Variants in BFSP1 observed in about 807,000 individuals in gnomAD.
The protein encoded by BFSP1 is beaded filament structural protein 1.
BFSP1 carries 38 observed loss-of-function variants against 43.9 expected under a neutral mutation model. That is an observed-to-expected ratio of 0.87 (90% CI 0.67 to 1.14). BFSP1 has a LOEUF of 1.14. Ranked by LOEUF, BFSP1 falls within the 50% of genes most tolerant of loss-of-function variation. The pLI, the probability that BFSP1 is intolerant of heterozygous loss-of-function variation, is 0.00. For missense variants in BFSP1, 850 were observed against 875.1 expected, an observed-to-expected ratio of 0.97 and a Z score of 0.36; for synonymous variants, 352 against 354.8, an observed-to-expected ratio of 0.99 and a Z score of 0.09.
At chr20:17,529,359 A>C (rs914259840) in intron 1 of BFSP1, among the ~76,000 whole-genome samples, 1 of 152,176 alleles carries the variant, frequency 6.6e-6, no homozygotes, top group Non-Finnish European at 1.5e-5. Flanking sequence ...TACAGGCGTG[A>C]GCCACTGCAC....
At position 17,517,102 on chromosome 20, in the gene BFSP1, C is replaced by T. The variant is rs151043417; in HGVS notation, c.439-2286G>A. 4.6e-3 allele frequency: 3,750 copies of T among 817,350 alleles called. 19 individuals are homozygous for T. The highest frequency in any genetic ancestry group is 0.013 in the Middle Eastern group (37 of 2,948). 50.6% of individuals were successfully genotyped at this position (817,350 alleles called of 1,614,324 possible). A position where few individuals can be genotyped will look rare whatever the true frequency, so the allele number is the denominator to read the frequency against. On this transcript the variant is annotated intron_variant, in intron 2 of 7. Coordinates refer to ENST00000377873, the MANE Select transcript of BFSP1 (RefSeq NM_001195.5). ...AAAAGGAAGAAGTCTTACACCACTC[C>T]CAAGAAGAATAAGCACAAGAGGAAG...
intron 5 of BFSP1, among the ~76,000 whole-genome samples, chr20:17,505,361 C>T (rs201938): frequency 0.99 from 150,903 of 152,326 alleles, 74,747 homozygotes; most frequent in East Asian, 1. Flanking sequence ...GCCTGTGAAT[C>T]TGCATTTCTG....
intron 3 of BFSP1, among the ~76,000 whole-genome samples, chr20:17,513,041 T>C (rs2034123215): frequency 6.6e-6 from 1 of 152,120 alleles, no homozygotes; most frequent in South Asian, 2.1e-4. Flanking sequence ...AGGCCCTGCC[T>C]CATCCCCAAC....
chr20:17,516,296 C>T (rs1231748913), intron 2 of BFSP1, among the ~76,000 whole-genome samples: 1 of 152,092 alleles, frequency 6.6e-6, no homozygotes, highest in African/African-American at 2.4e-5. Flanking sequence ...CATTGCACTC[C>T]AGTCTGGGCA....
Position 17,494,711 on chromosome 20 carries a change from C to T in BFSP1, c.1361G>A (p.Ser454Asn). The T allele has an allele frequency of 6.2e-7, 1 of 1,613,686 alleles. No homozygotes were observed. Among genetic ancestry groups the T allele is most frequent in the South Asian group, 1.1e-5 (1 of 91,050 alleles). The change falls in exon 8 of 8, where the codon AGC becomes AAC. Residue 454 changes from serine (S) to asparagine (N), a missense_variant. Transcript: ENST00000377873. The stretch of plus-strand genomic sequence containing the variant: ...AGTGGGGGTCTCAGGCTCTTTGGGG[C>T]TTCTCACTTTCTCCTTGACCTTCCT... ...LYRKVKEKVR[S>N]PKEPETPTEL...
intron 2 of BFSP1, among the ~76,000 whole-genome samples, chr20:17,515,401 G>A (rs2034176973): frequency 6.6e-6 from 1 of 152,184 alleles, no homozygotes; most frequent in South Asian, 2.1e-4. Context: ...CTGTATTCTA[G>A]CAGTTTTCTC....
At chr20:17,497,179 A>T in intron 6 of BFSP1, among the ~76,000 whole-genome samples, 156 bp from the exon 7 acceptor site, 1 of 152,322 alleles carries the variant, frequency 6.6e-6, no homozygotes, top group Non-Finnish European at 1.5e-5. Flanking sequence ...ACACATTTAC[A>T]TACTGGATGA....
intron 3 of BFSP1, 57 bp from the exon 4 acceptor site, chr20:17,512,125 C>A: frequency 2.1e-6 from 3 of 1,435,508 alleles, no homozygotes; most frequent in Non-Finnish European, 2.0e-6. Context: ...GTTTTTCCTT[C>A]TAGTACTAGA....
At chr20:17,518,056 C>T (rs994726615) in intron 2 of BFSP1, among the ~76,000 whole-genome samples, 3 of 152,228 alleles carry the variant, frequency 2.0e-5, no homozygotes, top group African/African-American at 7.2e-5. Flanking sequence ...CTCCTGATTC[C>T]TGGCCCTGGC....
At chr20:17,560,842 C>T (rs753969955), upstream of BFSP1, 2 of 152,240 alleles carry the variant, frequency 1.3e-5, no homozygotes, top group South Asian at 4.1e-4. Context: ...GAGCTTGCCA[C>T]AACCAGCCCA....
intron 1 of BFSP1, among the ~76,000 whole-genome samples, chr20:17,546,059 T>C (rs2034795984): frequency 6.6e-6 from 1 of 152,218 alleles, no homozygotes; most frequent in African/African-American, 2.4e-5. Context: ...TCCTGGGGTC[T>C]GGATCAAGAC....
chr20:17,520,425 C>A (rs942290018), intron 2 of BFSP1, among the ~76,000 whole-genome samples: 2 of 152,068 alleles, frequency 1.3e-5, no homozygotes, highest in Non-Finnish European at 2.9e-5. Context: ...CACAGGGATC[C>A]CAGAAACTCC....
At chr20:17,569,091 C>A (rs1239636071) in intron 1 of BFSP1, 1 of 152,240 alleles carries the variant, frequency 6.6e-6, no homozygotes, top group African/African-American at 2.4e-5. Flanking sequence ...GCGGCCTTTC[C>A]CAGCCACACC....
chr20:17,534,295 G>A (rs2034594199), upstream of BFSP1, among the ~76,000 whole-genome samples: 1 of 152,198 alleles, frequency 6.6e-6, no homozygotes, highest in African/African-American at 2.4e-5. Flanking sequence ...GGATGTTTTA[G>A]AATAAGAAAG....
intron 5 of BFSP1, among the ~76,000 whole-genome samples, chr20:17,503,129 TC>T (rs1295307697): frequency 6.6e-6 from 1 of 152,134 alleles, no homozygotes; most frequent in African/African-American, 2.4e-5. Flanking sequence ...GCTCAAGTGG[TC>T]CCCACACCTT....
chr20:17,565,428 G>A (rs1210387882), intron 1 of BFSP1: 1 of 152,180 alleles, frequency 6.6e-6, no homozygotes, highest in African/African-American at 2.4e-5. Context: ...GTTTGTGAAA[G>A]CAAAGGATTG....
At chr20:17,552,106 G>A (rs6105776) in intron 1 of BFSP1, among the ~76,000 whole-genome samples, 12,384 of 152,196 alleles carry the variant, frequency 0.081, 896 homozygotes, top group African/African-American at 0.2. Flanking sequence ...TATAATAAGT[G>A]GTGATAAGTG....
In BFSP1 at chr20:17,494,022, A is replaced by G. The variant is rs1600623755; in HGVS notation, c.*52T>C. 1 of 1,464,176 alleles carries G rather than the reference A, an allele frequency of 6.8e-7. No homozygotes were observed. Among genetic ancestry groups the G allele is most frequent in the East Asian group, 2.3e-5 (1 of 43,962 alleles). 90.7% of individuals were successfully genotyped at this position (1,464,176 alleles called of 1,614,324 possible). A position where few individuals can be genotyped will look rare whatever the true frequency, so the allele number is the denominator to read the frequency against. On this transcript the variant is annotated 3_prime_UTR_variant, in exon 8 of 8. Coordinates refer to ENST00000377873, the MANE Select transcript of BFSP1 (RefSeq NM_001195.5). The stretch of plus-strand genomic sequence containing the variant: ...ATCATTTGCTCTAAAATATCAAAGC[A>G]TTACCCCTACAGTGGCCCCAAATAC...
intron 5 of BFSP1, among the ~76,000 whole-genome samples, chr20:17,502,577 C>G (rs2033829635): frequency 6.6e-6 from 1 of 152,206 alleles, no homozygotes; most frequent in South Asian, 2.1e-4. Context: ...GACAGGATCA[C>G]TGTTAATTTC....
Sources: gnomAD v4.1 joint callset for allele counts (sites outside exome capture counted in the v4.1 genomes callset) on GRCh38, gnomAD v4.1.1 for gene constraint, MANE v1.5 for transcripts, NCBI Gene and HGNC (gene_info 2026-07-23, HGNC 2026-07-21) for gene names.